The following ABCD3 variants were observed in gnomAD, a reference collection of about 807,000 sequenced individuals.
The protein encoded by ABCD3 is ATP binding cassette subfamily D member 3.
In ABCD3, 41 loss-of-function variants were observed where a neutral mutation model predicts 105.5. That is an observed-to-expected ratio of 0.39 (90% CI 0.30 to 0.50). The LOEUF (loss-of-function observed/expected upper bound fraction) is 0.50. ABCD3 is among the 20% of genes least tolerant of loss of function. The pLI is 0.84. For missense variants in ABCD3, 622 were observed against 806.3 expected, an observed-to-expected ratio of 0.77 and a Z score of 2.77; for synonymous variants, 258 against 269.0, an observed-to-expected ratio of 0.96 and a Z score of 0.40.
At chr1:94,385,915 A>G in the ABCD3 span, among the ~76,000 whole-genome samples, 1 of 152,224 alleles carries the variant, frequency 6.6e-6, no homozygotes, top group Non-Finnish European at 1.5e-5. Flanking sequence ...CTCAAGAAAA[A>G]AAGACTAGAA....
At chr1:94,391,223 T>C in the ABCD3 span, among the ~76,000 whole-genome samples, 44 of 152,360 alleles carry the variant, frequency 2.9e-4, no homozygotes, top group African/African-American at 1.1e-3. Context: ...TAAATGTTTC[T>C]GTTCACCAGC....
At chr1:94,476,905 CTGTGTGTGTATG>C (rs1557679273) in intron 7 of ABCD3, among the ~76,000 whole-genome samples, 1 of 151,802 alleles carries the variant, frequency 6.6e-6, no homozygotes, top group Non-Finnish European at 1.5e-5. Context: ...CTCTCTGTCT[CTGTGTGTGTATG>C]TGTGTGTGTA....
the ABCD3 span, among the ~76,000 whole-genome samples, chr1:94,409,005 T>C: frequency 2.6e-5 from 4 of 152,132 alleles, no homozygotes; most frequent in South Asian, 2.1e-4. Context: ...CTTATCAATC[T>C]GTTCCTTTTT....
intron 8 of ABCD3, 39 bp from the exon 9 acceptor site, chr1:94,480,425 C>T: frequency 1.2e-6 from 2 of 1,610,880 alleles, no homozygotes; most frequent in Non-Finnish European, 1.7e-6. Flanking sequence ...ATTATTATAT[C>T]CCAGAACTTT....
chr1:94,516,526 T>C (rs1650929468), intron 22 of ABCD3, among the ~76,000 whole-genome samples: 2 of 151,888 alleles, frequency 1.3e-5, no homozygotes, highest in Non-Finnish European at 1.5e-5. Flanking sequence ...CCTCTTCTTT[T>C]GGAGGTATAG....
At chr1:94,513,084 C>T (rs1037925410) in intron 21 of ABCD3, among the ~76,000 whole-genome samples, 4 of 151,936 alleles carry the variant, frequency 2.6e-5, no homozygotes, top group African/African-American at 4.8e-5. Flanking sequence ...GAAGCACTGG[C>T]GTGATGATGA....
In ABCD3 at chr1:94,495,841, G is replaced by A. The variant is rs544008601; in HGVS notation, c.1387-2761G>A. 2.8e-4 allele frequency among the ~76,000 whole-genome samples: 42 copies of A among 152,242 alleles called. No homozygotes were observed. The South Asian group carries it at 8.3e-3, about 30-fold the overall frequency. ...AACTTTAGGACCTTCTAAGGGCATCGCTGTTACAGTAGAGTATGATTATTT... is the reference window on the plus strand; with the variant it reads ...AACTTTAGGACCTTCTAAGGGCATCACTGTTACAGTAGAGTATGATTATTT... On this transcript the variant is annotated intron_variant, in intron 16 of 22. Transcript: ENST00000370214.
At chr1:94,465,593 CAA>C (rs2100976810) in intron 3 of ABCD3, among the ~76,000 whole-genome samples, 1 of 152,208 alleles carries the variant, frequency 6.6e-6, no homozygotes, top group East Asian at 1.9e-4. Flanking sequence ...GATTAAATTT[CAA>C]AAGACAAACC....
chr1:94,494,261 C>T (rs1649690650), intron 16 of ABCD3, among the ~76,000 whole-genome samples: 1 of 151,832 alleles, frequency 6.6e-6, no homozygotes, highest in South Asian at 2.1e-4. Flanking sequence ...GTCTTGAGTC[C>T]CCACTTATGT....
chr1:94,426,011 G>A (rs1452404425), intron 1 of ABCD3, among the ~76,000 whole-genome samples: 1 of 152,164 alleles, frequency 6.6e-6, no homozygotes, highest in South Asian at 2.1e-4. Flanking sequence ...GATTAATGGA[G>A]AAAACGTTTT....
intron 21 of ABCD3, chr1:94,514,265 A>G (rs1288705467): frequency 6.6e-6 from 1 of 151,818 alleles, no homozygotes; most frequent in Non-Finnish European, 1.5e-5. Context: ...GCACTGGAGG[A>G]TGTTTAGAAA....
intron 21 of ABCD3, among the ~76,000 whole-genome samples, chr1:94,511,780 A>C (rs1050494936): frequency 2.0e-5 from 3 of 152,068 alleles, no homozygotes; most frequent in Non-Finnish European, 4.4e-5. Flanking sequence ...CCAGTTGATC[A>C]CATCGGCTCC....
intron 1 of ABCD3, chr1:94,419,401 G>A: frequency 2.1e-6 from 2 of 969,252 alleles, no homozygotes; most frequent in South Asian, 9.6e-5. Flanking sequence ...TTTAACTTTG[G>A]GAGGTTATCA....
At position 94,517,028 on chromosome 1, in the gene ABCD3, T is replaced by A. The variant is rs758455138; in HGVS notation, c.1903-24T>A. On this transcript the variant is annotated intron_variant, in intron 22 of 22. Transcript: ENST00000370214. ...CTATATTCACTCTTAGTTACTGACTTTTTTTCCCCCTTCTTTCCCATAGTA... is the reference window on the plus strand; with the variant it reads ...CTATATTCACTCTTAGTTACTGACTATTTTTCCCCCTTCTTTCCCATAGTA... The A allele has an allele frequency of 1.2e-5, 18 of 1,558,486 alleles. 1 individual carries two copies. The South Asian group carries it at 1.8e-4, about 15-fold the overall frequency.
At chr1:94,396,406 A>G in the ABCD3 span, among the ~76,000 whole-genome samples, 2,598 of 152,314 alleles carry the variant, frequency 0.017, 74 homozygotes, top group African/African-American at 0.059. Flanking sequence ...TTCATCATTT[A>G]CTAGGACTCA....
At chr1:94,464,323 AT>A (rs879901127) in intron 2 of ABCD3, among the ~76,000 whole-genome samples, 117 of 146,878 alleles carry the variant, frequency 8.0e-4, no homozygotes, top group Middle Eastern at 3.5e-3. Context: ...TCTGTTCAGG[AT>A]TTTTTTTTTT....
At chr1:94,428,293 A>G (rs1285210155) in intron 1 of ABCD3, among the ~76,000 whole-genome samples, 2 of 152,168 alleles carry the variant, frequency 1.3e-5, no homozygotes, top group Non-Finnish European at 2.9e-5. Context: ...ATGGTACTAT[A>G]ATAATTGACA....
intron 2 of ABCD3, among the ~76,000 whole-genome samples, chr1:94,462,123 T>A (rs1570775516): frequency 6.6e-6 from 1 of 152,342 alleles, no homozygotes; most frequent in East Asian, 1.9e-4. Context: ...ACTTCTCAAA[T>A]AGCTTTTAAT....
chr1:94,411,120 A>T, the ABCD3 span, among the ~76,000 whole-genome samples: 1 of 152,242 alleles, frequency 6.6e-6, no homozygotes, highest in Non-Finnish European at 1.5e-5. Flanking sequence ...AAAAGAAAAA[A>T]TAGATAAATT....
Sources: gnomAD v4.1 joint callset for allele counts (sites outside exome capture counted in the v4.1 genomes callset) on GRCh38, gnomAD v4.1.1 for gene constraint, MANE v1.5 for transcripts, NCBI Gene and HGNC (gene_info 2026-07-23, HGNC 2026-07-21) for gene names.